The following HTR4 variants were observed in gnomAD, a reference collection of about 807,000 sequenced individuals.
The protein encoded by HTR4 is 5-hydroxytryptamine receptor 4, also known as 5-hydroxytryptamine (serotonin) receptor 4, G protein-coupled.
Under a neutral mutation model 36.8 loss-of-function variants are expected in HTR4, and 16 were observed. That is an observed-to-expected ratio of 0.43 (90% CI 0.29 to 0.66). The LOEUF is 0.66. Ranked by LOEUF, HTR4 falls within the 30% of genes least tolerant of loss-of-function variation. The pLI is 0.13. For missense variants in HTR4, 438 were observed against 490.9 expected (o/e 0.89, Z 1.02); for synonymous variants, 189 against 185.1 (o/e 1.02, Z -0.17).
intron 2 of HTR4, among the ~76,000 whole-genome samples, chr5:148,587,445 T>C (rs1006553016): frequency 6.6e-6 from 1 of 152,038 alleles, no homozygotes; most frequent in Non-Finnish European, 1.5e-5. Context: ...TTGAAGTACT[T>C]GGGCGGAGGG....
intron 2 of HTR4, among the ~76,000 whole-genome samples, chr5:148,552,709 T>C (rs563749388): frequency 3.3e-5 from 5 of 152,372 alleles, no homozygotes; most frequent in African/African-American, 9.6e-5. Context: ...ACTTCTGTTA[T>C]TGTTTTCTGT....
At chr5:148,463,259 A>G (rs986207896) in intron 5 of HTR4, among the ~76,000 whole-genome samples, 3 of 127,772 alleles carry the variant, frequency 2.3e-5, no homozygotes, top group African/African-American at 9.1e-5. Context: ...TGCAACTTCC[A>G]TCTCCCGGGT....
chr5:148,528,639 G>C (rs1314320450), intron 4 of HTR4, among the ~76,000 whole-genome samples: 1 of 152,080 alleles, frequency 6.6e-6, no homozygotes, highest in Admixed American at 6.6e-5. Context: ...CTGTAGATAA[G>C]ACTAGATAGA....
At chr5:148,556,009 A>G (rs905158548) in intron 2 of HTR4, among the ~76,000 whole-genome samples, 1 of 152,022 alleles carries the variant, frequency 6.6e-6, no homozygotes, top group Admixed American at 6.6e-5. Context: ...AGAGTCAAGA[A>G]CATTTTTTGT....
intron 2 of HTR4, among the ~76,000 whole-genome samples, chr5:148,599,383 G>A (rs1761899340): frequency 6.6e-6 from 1 of 152,108 alleles, no homozygotes; most frequent in South Asian, 2.1e-4. Flanking sequence ...TTTAAAAGCA[G>A]CTTGGGAGGT....
At chr5:148,451,546 A>G (rs1228160181) in intron 5 of HTR4, among the ~76,000 whole-genome samples, 2 of 152,148 alleles carry the variant, frequency 1.3e-5, no homozygotes, top group Non-Finnish European at 2.9e-5. Flanking sequence ...ACAAGAACCC[A>G]GATTTCTTAC....
chr5:148,506,033 C>T (rs764757521), intron 6 of HTR4, among the ~76,000 whole-genome samples: 11 of 152,114 alleles, frequency 7.2e-5, no homozygotes, highest in African/African-American at 2.4e-4. Context: ...CTTTAAAATT[C>T]ATATGGAACC....
At chr5:148,568,455 G>T (rs1031021041) in intron 2 of HTR4, among the ~76,000 whole-genome samples, 1 of 152,128 alleles carries the variant, frequency 6.6e-6, no homozygotes, top group Non-Finnish European at 1.5e-5. Context: ...TGGCCATGGA[G>T]CTATAGTTGA....
chr5:148,539,220 C>T (rs1561605682), intron 4 of HTR4, among the ~76,000 whole-genome samples: 1 of 152,050 alleles, frequency 6.6e-6, no homozygotes, highest in Non-Finnish European at 1.5e-5. Flanking sequence ...ATACAAAAGC[C>T]AACTGAAGAT....
intron 2 of HTR4, among the ~76,000 whole-genome samples, chr5:148,592,835 T>G (rs548633443): frequency 6.6e-6 from 1 of 152,272 alleles, no homozygotes; most frequent in African/African-American, 2.4e-5. Context: ...ACTACCACTT[T>G]GCTAATTTCC....
At chr5:148,520,900 A>G (rs755017656) in intron 5 of HTR4, 1 of 1,367,762 alleles carries the variant, frequency 7.3e-7, no homozygotes, top group Admixed American at 1.9e-5. Flanking sequence ...CAGAATCCTA[A>G]GGAATACTTG....
At chr5:148,615,423 C>T (rs987653327) in intron 2 of HTR4, among the ~76,000 whole-genome samples, 12 of 149,362 alleles carry the variant, frequency 8.0e-5, no homozygotes, top group African/African-American at 3.0e-4. Flanking sequence ...AGTAAACTAT[C>T]ACAAGAACAA....
intron 2 of HTR4, among the ~76,000 whole-genome samples, chr5:148,636,080 A>C: frequency 6.6e-6 from 1 of 152,158 alleles, no homozygotes; most frequent in Non-Finnish European, 1.5e-5. Context: ...CATGAAACAC[A>C]TTCTACCCTC....
chr5:148,487,710 C>T (rs184998763), intron 6 of HTR4, among the ~76,000 whole-genome samples: 43 of 152,024 alleles, frequency 2.8e-4, no homozygotes, highest in African/African-American at 8.0e-4. Context: ...GTAGAGAGAG[C>T]GAGCTTAGAG....
At chr5:148,456,442 C>T (rs1755103246) in intron 5 of HTR4, among the ~76,000 whole-genome samples, 1 of 152,172 alleles carries the variant, frequency 6.6e-6, no homozygotes, top group African/African-American at 2.4e-5. Context: ...GGGATCTAAA[C>T]ATCCTCAATT....
intron 5 of HTR4, among the ~76,000 whole-genome samples, chr5:148,451,727 G>T (rs1390923086): frequency 1.3e-5 from 2 of 152,124 alleles, no homozygotes; most frequent in Non-Finnish European, 1.5e-5. Context: ...AACTGTATTT[G>T]TTACTTTCAT....
downstream of HTR4, chr5:148,476,707 G>T: frequency 6.2e-7 from 1 of 1,610,926 alleles, no homozygotes; most frequent in Non-Finnish European, 8.5e-7. Context: ...AAAAAAATGA[G>T]CAATAAGAAT....
Position 148,483,039 on chromosome 5 carries a change from G to T in HTR4, c.*164C>A, listed in dbSNP as rs1425654171. ...CCCCTGACTCCCTCCAGCGCCACCT[G>T]CTGGAATCTCAGAGGAAAAGCCCAG... On this transcript the variant is annotated 3_prime_UTR_variant, in exon 7 of 7. Transcript: ENST00000377888. 9 of 1,458,182 alleles carry T rather than the reference G, an allele frequency of 6.2e-6. No individual in the cohort carries two copies. The highest frequency in any genetic ancestry group is 7.3e-6 in the Non-Finnish European group (8 of 1,101,398). 90.3% of individuals were successfully genotyped at this position (1,458,182 alleles called of 1,614,324 possible). A position where few individuals can be genotyped will look rare whatever the true frequency, so the allele number is the denominator to read the frequency against.
chr5:148,652,672 T>A (rs978594733), intron 1 of HTR4, among the ~76,000 whole-genome samples: 4 of 152,142 alleles, frequency 2.6e-5, no homozygotes, highest in African/African-American at 9.7e-5. Context: ...AAATGCTCCC[T>A]GAAGCTCCTG....
Sources: gnomAD v4.1 joint callset for allele counts (sites outside exome capture counted in the v4.1 genomes callset) on GRCh38, gnomAD v4.1.1 for gene constraint, MANE v1.5 for transcripts, NCBI Gene and HGNC (gene_info 2026-07-23, HGNC 2026-07-21) for gene names.